The following CACNA1C variants were observed in gnomAD, a reference collection of about 807,000 sequenced individuals.
CACNA1C encodes calcium voltage-gated channel subunit alpha1 C.
Under a neutral mutation model 229.0 loss-of-function variants are expected in CACNA1C, and 30 were observed. The observed-to-expected ratio is 0.13, with a 90% CI of 0.10 to 0.18. CACNA1C has a LOEUF of 0.18. Ranked by LOEUF, CACNA1C falls within the 10% of genes least tolerant of loss-of-function variation. CACNA1C has a pLI of 1.00. For synonymous variants in CACNA1C, 1,114 were observed against 1,132.5 expected (o/e 0.98, Z 0.33); for missense variants, 1,658 against 2,845.0 (o/e 0.58, Z 9.49).
chr12:2,680,642 T>C lies in CACNA1C; in HGVS notation c.5444+846T>C, dbSNP rs1603451548. On this transcript the variant is annotated intron_variant, in intron 42 of 46. Transcript: ENST00000399655. The stretch of plus-strand genomic sequence containing the variant: ...AAGTAGCAGCTTCCCTCTAAACCCC[T>C]GGAAAAGTGTCCATCCAAGGAGCAG... The C allele has an allele frequency of 2.9e-6, 4 of 1,365,652 alleles. No individual in the cohort carries two copies. The East Asian group carries it at 1.0e-4, about 34-fold the overall frequency. 84.6% of individuals were successfully genotyped at this position (1,365,652 alleles called of 1,614,324 possible). A position where few individuals can be genotyped will look rare whatever the true frequency, so the allele number is the denominator to read the frequency against.
At chr12:2,537,416 T>C (rs2099858400) in intron 9 of CACNA1C, among the ~76,000 whole-genome samples, 1 of 152,234 alleles carries the variant, frequency 6.6e-6, no homozygotes, top group South Asian at 2.1e-4. Flanking sequence ...GTAAAATTCA[T>C]GGAAGAGTAG....
chr12:2,567,484 G>A (rs1052814383), intron 12 of CACNA1C, 85 bp from the exon 13 acceptor site: 2 of 803,756 alleles, frequency 2.5e-6, no homozygotes, highest in South Asian at 1.7e-5. Context: ...TTCCAATGGA[G>A]ATAATTACTG....
chr12:2,062,847 C>T (rs917733042), intron 1 of CACNA1C, among the ~76,000 whole-genome samples: 1 of 152,200 alleles, frequency 6.6e-6, no homozygotes, highest in Non-Finnish European at 1.5e-5. Flanking sequence ...CATTCTCAAA[C>T]GAGATTCCCG....
intron 3 of CACNA1C, among the ~76,000 whole-genome samples, chr12:2,243,267 A>G (rs1394060719): frequency 2.0e-5 from 3 of 152,226 alleles, no homozygotes; most frequent in Admixed American, 2.0e-4. Context: ...ACCTGGAAGC[A>G]GGGATGAAGT....
At position 2,207,981 on chromosome 12, in the gene CACNA1C, A is replaced by G. The variant is rs79048558; in HGVS notation, c.477+87551A>G. On this transcript the variant is annotated intron_variant, in intron 3 of 46. Coordinates refer to ENST00000399655, the MANE Select transcript of CACNA1C (RefSeq NM_000719.7). ...TAGGGAGACAGAACAAACAATAAGA[A>G]TGGAGCATTCATATAAGGAACATAA... Among the ~76,000 whole-genome samples the G allele has an allele frequency of 4.5e-3, 693 of 152,328 alleles. 6 individuals are homozygous for G. The highest frequency in any genetic ancestry group is 0.015 in the African/African-American group (608 of 41,574).
At chr12:2,183,224 C>T (rs1202825648) in intron 3 of CACNA1C, among the ~76,000 whole-genome samples, 1 of 149,926 alleles carries the variant, frequency 6.7e-6, no homozygotes, top group Non-Finnish European at 1.5e-5. Context: ...TTTAGGGAAG[C>T]CACTTAACAT....
chr12:2,460,217 G>T (rs74053436), intron 5 of CACNA1C, among the ~76,000 whole-genome samples: 1 of 152,202 alleles, frequency 6.6e-6, no homozygotes, highest in Non-Finnish European at 1.5e-5. Flanking sequence ...GAGCCAAACC[G>T]CACTAGCAAC....
chr12:2,314,500 G>T (rs1296502425), intron 3 of CACNA1C, among the ~76,000 whole-genome samples: 1 of 152,136 alleles, frequency 6.6e-6, no homozygotes, highest in Middle Eastern at 3.2e-3. Context: ...GCCCCAACTA[G>T]TCACTGCCTC....
intron 3 of CACNA1C, among the ~76,000 whole-genome samples, chr12:2,189,748 G>A (rs1208612645): frequency 6.6e-6 from 1 of 152,140 alleles, no homozygotes; most frequent in Non-Finnish European, 1.5e-5. Flanking sequence ...GTTGTGGCCA[G>A]CCCCATTAAA....
intron 3 of CACNA1C, among the ~76,000 whole-genome samples, chr12:2,127,684 T>G (rs1005618): frequency 0.77 from 117,255 of 152,062 alleles, 45,385 homozygotes; most frequent in African/African-American, 0.83. Context: ...ACGGAGTCAG[T>G]TCTCCCCTCA....
At chr12:2,518,082 T>C (rs1270244035) in intron 9 of CACNA1C, among the ~76,000 whole-genome samples, 1 of 152,196 alleles carries the variant, frequency 6.6e-6, no homozygotes, top group East Asian at 1.9e-4. Flanking sequence ...TATCGAGTTA[T>C]GTGACTCGGG....
intron 1 of CACNA1C, among the ~76,000 whole-genome samples, chr12:2,082,864 G>C (rs2066181766): frequency 6.6e-6 from 1 of 152,046 alleles, no homozygotes; most frequent in African/African-American, 2.4e-5. Context: ...ACTTTATATC[G>C]TATATTTATA....
intron 3 of CACNA1C, among the ~76,000 whole-genome samples, chr12:2,390,810 G>A (rs1168322852): frequency 1.3e-5 from 2 of 152,194 alleles, no homozygotes; most frequent in East Asian, 3.8e-4. Context: ...CCTTCTGGAG[G>A]CATCATTCAT....
chr12:2,057,049 T>A (rs1220356568), intron 1 of CACNA1C, among the ~76,000 whole-genome samples: 1 of 152,224 alleles, frequency 6.6e-6, no homozygotes, highest in Non-Finnish European at 1.5e-5. Context: ...GACTTGTTCT[T>A]ACAGGTAGAT....
chr12:2,483,683 T>C (rs1222734820), intron 5 of CACNA1C, among the ~76,000 whole-genome samples: 1 of 152,202 alleles, frequency 6.6e-6, no homozygotes. Flanking sequence ...AGATCAGTTT[T>C]CTGGTCTGGG....
intron 1 of CACNA1C, among the ~76,000 whole-genome samples, chr12:2,056,754 A>G (rs779300506): frequency 6.6e-6 from 1 of 152,160 alleles, no homozygotes; most frequent in African/African-American, 2.4e-5. Flanking sequence ...GAAAGGGGCT[A>G]TTGGAGTTCA....
intron 3 of CACNA1C, among the ~76,000 whole-genome samples, chr12:2,274,749 A>C (rs1206688178): frequency 6.6e-6 from 1 of 152,182 alleles, no homozygotes; most frequent in Non-Finnish European, 1.5e-5. Context: ...TCTGATTCCG[A>C]AGCTGGGCTC....
At chr12:2,450,357 A>C (rs1342776077) in intron 4 of CACNA1C, among the ~76,000 whole-genome samples, 1 of 151,834 alleles carries the variant, frequency 6.6e-6, no homozygotes, top group South Asian at 2.1e-4. Flanking sequence ...GATCGAGACC[A>C]TCCTGGCTAA....
intron 3 of CACNA1C, among the ~76,000 whole-genome samples, chr12:2,256,848 TC>T (rs1477006935): frequency 1.3e-5 from 2 of 152,208 alleles, no homozygotes; most frequent in African/African-American, 2.4e-5. Flanking sequence ...GATGGGTGTT[TC>T]CAGGTTTGGA....
Sources: allele counts gnomAD v4.1 joint callset (sites outside exome capture counted in the v4.1 genomes callset), GRCh38; gene constraint gnomAD v4.1.1; transcripts MANE v1.5; gene names NCBI Gene and HGNC (gene_info 2026-07-23, HGNC 2026-07-21).